PLEKHD1: variants seen among roughly 807,000 people sequenced by gnomAD.
PLEKHD1 encodes the protein pleckstrin homology and coiled-coil domain containing D1, also known as pleckstrin homology domain-containing family D member 1.
In PLEKHD1, 51 loss-of-function variants were observed where a neutral mutation model predicts 69.2. That is an observed-to-expected ratio of 0.74 (90% CI 0.59 to 0.93). PLEKHD1 has a LOEUF of 0.93. Among genes scored for constraint, PLEKHD1 ranks in the 40% least tolerant of loss-of-function variants. The pLI, the probability that PLEKHD1 is intolerant of heterozygous loss-of-function variation, is 0.00. For synonymous variants in PLEKHD1, 236 were observed against 244.7 expected (o/e 0.96, Z 0.33); for missense variants, 584 against 641.0 (o/e 0.91, Z 0.96).
intron 1 of PLEKHD1, among the ~76,000 whole-genome samples, chr14:69,487,722 C>T (rs946753215): frequency 5.9e-5 from 9 of 152,116 alleles, no homozygotes; most frequent in African/African-American, 1.7e-4. Flanking sequence ...TAGCAGAGAT[C>T]AGATAATCTG....
intron 1 of PLEKHD1, among the ~76,000 whole-genome samples, chr14:69,486,262 C>T (rs1363331869): frequency 6.6e-6 from 1 of 152,176 alleles, no homozygotes; most frequent in Non-Finnish European, 1.5e-5. Flanking sequence ...ATGTTCTGTT[C>T]TGATGAATAA....
intron 1 of PLEKHD1, among the ~76,000 whole-genome samples, chr14:69,490,525 G>A (rs1170274095): frequency 6.6e-6 from 1 of 152,204 alleles, no homozygotes; most frequent in African/African-American, 2.4e-5. Flanking sequence ...GAAGACTCCT[G>A]TTTTACACAT....
At chr14:69,515,629 T>C (rs1883368451) in intron 6 of PLEKHD1, among the ~76,000 whole-genome samples, 1 of 152,200 alleles carries the variant, frequency 6.6e-6, no homozygotes, top group Non-Finnish European at 1.5e-5. Context: ...TCAGGAAGCT[T>C]ACAATCATGG....
At chr14:69,525,387 G>A (rs1015722304) in intron 8 of PLEKHD1, among the ~76,000 whole-genome samples, 2 of 152,126 alleles carry the variant, frequency 1.3e-5, no homozygotes, top group African/African-American at 4.8e-5. Flanking sequence ...CATGGGAGGT[G>A]GTTCCCATGG....
At chr14:69,489,166 G>A (rs1306034012) in intron 1 of PLEKHD1, among the ~76,000 whole-genome samples, 1 of 152,208 alleles carries the variant, frequency 6.6e-6, no homozygotes, top group Non-Finnish European at 1.5e-5. Flanking sequence ...AGTCTCACCT[G>A]TGTATGGGTC....
intron 6 of PLEKHD1, among the ~76,000 whole-genome samples, chr14:69,516,293 GA>G (rs1298374971): frequency 1.3e-5 from 2 of 152,148 alleles, no homozygotes. Context: ...ACATGAATAA[GA>G]AAATAAAATT....
Position 69,528,569 on chromosome 14 carries a change from C to A in PLEKHD1, c.*150C>A. The A allele has an allele frequency of 8.9e-7, 1 of 1,117,902 alleles. No individual in the cohort carries two copies. The highest frequency in any genetic ancestry group is 1.2e-6 in the Non-Finnish European group (1 of 808,736). 69.2% of individuals were successfully genotyped at this position (1,117,902 alleles called of 1,614,324 possible). A position where few individuals can be genotyped will look rare whatever the true frequency, so the allele number is the denominator to read the frequency against. On this transcript the variant is annotated 3_prime_UTR_variant, in exon 13 of 13. Coordinates refer to ENST00000322564, the MANE Select transcript of PLEKHD1 (RefSeq NM_001161498.2). ...GCCGGAGCTCCACTTGGGGGCCAGC[C>A]TTGCCCTCAAAGGACATGGACGCTG...
intron 1 of PLEKHD1, among the ~76,000 whole-genome samples, chr14:69,490,553 T>G (rs1882756253): frequency 6.6e-6 from 1 of 152,190 alleles, no homozygotes; most frequent in Admixed American, 6.5e-5. Flanking sequence ...GTCTTACTGT[T>G]GTTGGAATAC....
At position 69,502,819 on chromosome 14, in the gene PLEKHD1, T is replaced by G; in HGVS notation, c.503-8T>G. Reference sequence around the variant, plus strand: ...TGTGCATGTGTGTGTGTGTGCTTGTTTTGGCAGACAAACTGATGGAAGAGA... The same window carrying G: ...TGTGCATGTGTGTGTGTGTGCTTGTGTTGGCAGACAAACTGATGGAAGAGA... On this transcript the variant is annotated splice_region_variant and splice_polypyrimidine_tract_variant and intron_variant, in intron 5 of 12. Transcript: ENST00000322564. 1 of 1,551,506 alleles carries G rather than the reference T, an allele frequency of 6.4e-7. No homozygotes were observed. Among genetic ancestry groups the G allele is most frequent in the East Asian group, 2.4e-5 (1 of 40,912 alleles).
At chr14:69,515,365 A>C (rs1474174314) in intron 6 of PLEKHD1, among the ~76,000 whole-genome samples, 1 of 152,164 alleles carries the variant, frequency 6.6e-6, no homozygotes, top group Non-Finnish European at 1.5e-5. Context: ...TTAACTCTTC[A>C]AACTGAACCT....
intron 6 of PLEKHD1, among the ~76,000 whole-genome samples, chr14:69,508,705 G>A (rs1272401324): frequency 6.6e-6 from 1 of 152,202 alleles, no homozygotes; most frequent in Non-Finnish European, 1.5e-5. Context: ...GGCACCTCAC[G>A]GACAAGTGCC....
chr14:69,514,627 T>C (rs1883342890), intron 6 of PLEKHD1, among the ~76,000 whole-genome samples: 1 of 152,172 alleles, frequency 6.6e-6, no homozygotes, highest in Non-Finnish European at 1.5e-5. Flanking sequence ...CTAGTATGCC[T>C]TGTGATTTTT....
At chr14:69,486,589 C>A (rs1594971452) in intron 1 of PLEKHD1, among the ~76,000 whole-genome samples, 1 of 152,180 alleles carries the variant, frequency 6.6e-6, no homozygotes, top group African/African-American at 2.4e-5. Flanking sequence ...CCCCACCACC[C>A]ATCTTTCTTC....
chr14:69,482,316 A>G (rs1882557014), upstream of PLEKHD1, among the ~76,000 whole-genome samples: 1 of 152,228 alleles, frequency 6.6e-6, no homozygotes, highest in Non-Finnish European at 1.5e-5. Context: ...TCTCTGGCCC[A>G]CATGGCTCAC....
In PLEKHD1 at chr14:69,496,408, G is replaced by T. The variant is rs193193484; in HGVS notation, c.150-3707G>T. On this transcript the variant is annotated intron_variant, in intron 1 of 12. Coordinates refer to ENST00000322564, the MANE Select transcript of PLEKHD1 (RefSeq NM_001161498.2). ...ACAGTTCTGCAGGCTGAGAGTCTGA[G>T]ATCAAGTTGCCCACATGGTCAGGTT... is the stretch of plus-strand genomic sequence containing the variant. Among the ~76,000 whole-genome samples the T allele has an allele frequency of 1.7e-4, 26 of 152,368 alleles. 1 individual carries two copies. In the East Asian group the frequency reaches 4.4e-3, roughly 26 times the overall value.
In PLEKHD1 at chr14:69,491,910, C is replaced by T. The variant is rs573741841; in HGVS notation, c.149+6796C>T. ...TCCTGCTCACTCTGCCCTTGTTTAA[C>T]ATTTCGATGAGCCTTGCTGATTTGT... On this transcript the variant is annotated intron_variant, in intron 1 of 12. Transcript: ENST00000322564. Among the ~76,000 whole-genome samples the T allele has an allele frequency of 8.5e-5, 13 of 152,332 alleles. No homozygotes were observed. The East Asian group carries it at 1.7e-3, about 20-fold the overall frequency.
intron 1 of PLEKHD1, among the ~76,000 whole-genome samples, chr14:69,492,044 C>T (rs1326326058): frequency 6.6e-6 from 1 of 152,140 alleles, no homozygotes; most frequent in East Asian, 1.9e-4. Flanking sequence ...GGCAGCTCCC[C>T]TTGTCTGCAG....
At chr14:69,522,500 G>GGAA in intron 7 of PLEKHD1, 123 bp downstream of exon 7, 2 of 1,047,794 alleles carry the variant, frequency 1.9e-6, no homozygotes, top group Non-Finnish European at 2.8e-6. Flanking sequence ...TCCAGGCTTG[G>GGAA]GTCTATCCCA....
chr14:69,485,309 T>C (rs1882631273), intron 1 of PLEKHD1, among the ~76,000 whole-genome samples, 195 bp downstream of exon 1: 1 of 151,800 alleles, frequency 6.6e-6, no homozygotes, highest in South Asian at 2.1e-4. Flanking sequence ...ATGGGGCCCC[T>C]GCCCTGGGGC....
Sources: gnomAD v4.1 joint callset for allele counts (sites outside exome capture counted in the v4.1 genomes callset) on GRCh38, gnomAD v4.1.1 for gene constraint, MANE v1.5 for transcripts, NCBI Gene and HGNC (gene_info 2026-07-23, HGNC 2026-07-21) for gene names.